The following TMIGD3 variants were observed in gnomAD, a reference collection of about 807,000 sequenced individuals.
TMIGD3 encodes AD026 protein (AD026).
In TMIGD3, 21 loss-of-function variants were observed where a neutral mutation model predicts 28.1. The observed-to-expected ratio is 0.75, with a 90% CI of 0.53 to 1.08. The LOEUF (loss-of-function observed/expected upper bound fraction) is 1.08. TMIGD3 is among the 50% of genes least tolerant of loss of function. The probability of loss-of-function intolerance (pLI) is 0.00; values close to 1 mark genes in which losing one functional copy is unlikely to be tolerated. For synonymous variants in TMIGD3, 151 were observed against 162.1 expected (o/e 0.93, Z 0.52); for missense variants, 416 against 435.6 (o/e 0.96, Z 0.40).
In TMIGD3 at chr1:111,500,341, G is replaced by T. The variant is rs770214556; in HGVS notation, c.350+2664C>A. 1 of 1,614,186 alleles carries T rather than the reference G, an allele frequency of 6.2e-7. No individual in the cohort carries two copies. The highest frequency in any genetic ancestry group is 8.5e-7 in the Non-Finnish European group (1 of 1,180,034). ...ATAGATGGCGCACATGACAACCAGG[G>T]GGATGAAAATCCAGGTGAGGAAGCT... On this transcript the variant is annotated intron_variant, in intron 1 of 5. Transcript: ENST00000369716.
rs1365083106 is a variant in TMIGD3, at chr1:111,529,901, GCGGC to G, written c.107+33941_107+33944del. ...CTGTTGGGTACACCTCCCAGACGGG[GCGGC>G]TGGCCGGGCAGAGGGGCTCCTCACT... On this transcript the variant is annotated intron_variant, in intron 1 of 5. Transcript: ENST00000369717. 8.1e-5 allele frequency among the ~76,000 whole-genome samples: 12 copies of G among 148,934 alleles called. No individual in the cohort carries two copies. In the East Asian group the frequency reaches 9.9e-4, roughly 12 times the overall value.
chr1:111,496,912 G>A (rs577288885), intron 1 of TMIGD3, among the ~76,000 whole-genome samples: 1 of 152,134 alleles, frequency 6.6e-6, no homozygotes, highest in Non-Finnish European at 1.5e-5. Context: ...TTAAAATAAG[G>A]CAAATAAACC....
At chr1:111,509,658 C>T (rs752008854) in intron 1 of TMIGD3, among the ~76,000 whole-genome samples, 3 of 152,208 alleles carry the variant, frequency 2.0e-5, no homozygotes, top group Non-Finnish European at 4.4e-5. Context: ...CAAACCTTAC[C>T]GCCACAGTGG....
chr1:111,492,985 A>G (rs1165214664), intron 1 of TMIGD3, among the ~76,000 whole-genome samples: 1 of 152,198 alleles, frequency 6.6e-6, no homozygotes, highest in Non-Finnish European at 1.5e-5. Flanking sequence ...CAATAAGAAT[A>G]AGCCAAATAA....
chr1:111,549,952 T>G (rs1657195752), intron 1 of TMIGD3, among the ~76,000 whole-genome samples: 1 of 152,160 alleles, frequency 6.6e-6, no homozygotes, highest in Admixed American at 6.5e-5. Context: ...ACAGCCAGCC[T>G]TGTTTTGGGT....
At chr1:111,554,861 T>C (rs1657416276) in intron 1 of TMIGD3, among the ~76,000 whole-genome samples, 2 of 152,096 alleles carry the variant, frequency 1.3e-5, no homozygotes, top group African/African-American at 4.8e-5. Flanking sequence ...CCAAAGAATG[T>C]TAGCTCACAA....
At chr1:111,516,187 G>C (rs993269042) in intron 1 of TMIGD3, among the ~76,000 whole-genome samples, 6 of 152,260 alleles carry the variant, frequency 3.9e-5, no homozygotes, top group African/African-American at 1.4e-4. Context: ...TTGTGCTAAA[G>C]TTGGCCTAAG....
chr1:111,526,755 T>C (rs74112319), intron 1 of TMIGD3, among the ~76,000 whole-genome samples: 7,107 of 152,224 alleles, frequency 0.047, 476 homozygotes, highest in East Asian at 0.23. Flanking sequence ...GACAAATGCG[T>C]AGTACATGTA....
chr1:111,563,817 C>T, intron 1 of TMIGD3: 5 of 1,581,758 alleles, frequency 3.2e-6, no homozygotes, highest in Non-Finnish European at 4.3e-6. Context: ...CTCTGCCTCC[C>T]AGCAGCTATA....
chr1:111,552,513 A>T (rs1010325267), intron 1 of TMIGD3, among the ~76,000 whole-genome samples: 1 of 152,212 alleles, frequency 6.6e-6, no homozygotes, highest in Non-Finnish European at 1.5e-5. Flanking sequence ...GTTCATTTTC[A>T]GAGTACCTTA....
At chr1:111,502,976 A>T in intron 1 of TMIGD3, 29 bp downstream of exon 1, 1 of 1,605,910 alleles carries the variant, frequency 6.2e-7, no homozygotes, top group Admixed American at 1.7e-5. Flanking sequence ...AGCTGCCTCA[A>T]TTGCTGCCCA....
intron 1 of TMIGD3, among the ~76,000 whole-genome samples, chr1:111,543,019 C>A (rs1404846134): frequency 6.6e-6 from 1 of 152,120 alleles, no homozygotes; most frequent in African/African-American, 2.4e-5. Context: ...GTTTTATAAC[C>A]ATGAGAAACT....
At chr1:111,551,840 G>A (rs915748054) in intron 1 of TMIGD3, among the ~76,000 whole-genome samples, 2 of 151,940 alleles carry the variant, frequency 1.3e-5, no homozygotes, top group African/African-American at 2.4e-5. Flanking sequence ...TCAGCCGAGC[G>A]GTTTACAGTT....
intron 1 of TMIGD3, among the ~76,000 whole-genome samples, chr1:111,557,703 A>G (rs1657557700): frequency 6.6e-6 from 1 of 152,222 alleles, no homozygotes; most frequent in Non-Finnish European, 1.5e-5. Flanking sequence ...TAGAAGGGAT[A>G]CTAAACAAAT....
intron 1 of TMIGD3, among the ~76,000 whole-genome samples, chr1:111,536,523 G>C (rs1398608240): frequency 6.6e-6 from 1 of 152,076 alleles, no homozygotes; most frequent in African/African-American, 2.4e-5. Context: ...CTATACTCAG[G>C]AGAAAGAAGC....
At chr1:111,545,743 T>G (rs1657012303) in intron 1 of TMIGD3, among the ~76,000 whole-genome samples, 1 of 152,190 alleles carries the variant, frequency 6.6e-6, no homozygotes, top group African/African-American at 2.4e-5. Context: ...TGAAAAGCTT[T>G]GTTATTTTAG....
chr1:111,551,262 C>T (rs891522517), intron 1 of TMIGD3, among the ~76,000 whole-genome samples: 1 of 152,094 alleles, frequency 6.6e-6, no homozygotes, highest in South Asian at 2.1e-4. Context: ...AAAGGGCTTA[C>T]GTGTGCCATT....
upstream of TMIGD3, among the ~76,000 whole-genome samples, chr1:111,508,315 C>T (rs777695382): frequency 4.8e-4 from 73 of 152,222 alleles, no homozygotes; most frequent in Non-Finnish European, 9.7e-4. Context: ...AGACTTAGCA[C>T]GGTAGCGTCA....
At chr1:111,539,028 C>G (rs1032101075) in intron 1 of TMIGD3, among the ~76,000 whole-genome samples, 1 of 152,188 alleles carries the variant, frequency 6.6e-6, no homozygotes, top group Non-Finnish European at 1.5e-5. Flanking sequence ...GTAGTGATAT[C>G]CCAGCCTTAG....
Sources: gnomAD v4.1 joint callset for allele counts (sites outside exome capture counted in the v4.1 genomes callset) on GRCh38, gnomAD v4.1.1 for gene constraint, MANE v1.5 for transcripts, NCBI Gene and HGNC (gene_info 2026-07-23, HGNC 2026-07-21) for gene names.